The following GPM6A variants were observed in gnomAD, a reference collection of about 807,000 sequenced individuals.
GPM6A encodes glycoprotein M6A.
Under a neutral mutation model 32.1 loss-of-function variants are expected in GPM6A, and 7 were observed. That is an observed-to-expected ratio of 0.22 (90% CI 0.12 to 0.41). The LOEUF is 0.41. Among genes scored for constraint, GPM6A ranks in the 10% least tolerant of loss-of-function variants. The pLI is 1.00. For missense variants in GPM6A, 235 were observed against 347.2 expected, an observed-to-expected ratio of 0.68 and a Z score of 2.57; for synonymous variants, 130 against 123.4, an observed-to-expected ratio of 1.05 and a Z score of -0.35.
chr4:175,699,124 T>C (rs1295958774), intron 2 of GPM6A, among the ~76,000 whole-genome samples: 1 of 152,172 alleles, frequency 6.6e-6, no homozygotes, highest in Non-Finnish European at 1.5e-5. Flanking sequence ...TTTAAAATAA[T>C]GCACAGTGAG....
chr4:175,916,277 A>G (rs1464548697), intron 1 of GPM6A, among the ~76,000 whole-genome samples: 1 of 152,186 alleles, frequency 6.6e-6, no homozygotes, highest in African/African-American at 2.4e-5. Context: ...TCCATGCTAT[A>G]CAAATACAAA....
intron 1 of GPM6A, among the ~76,000 whole-genome samples, chr4:175,963,691 A>G (rs1454405569): frequency 6.6e-6 from 1 of 152,192 alleles, no homozygotes; most frequent in Non-Finnish European, 1.5e-5. Flanking sequence ...AGAAATGAAG[A>G]GCTTTAAAAA....
At chr4:175,834,785 T>C (rs1735714949) in intron 1 of GPM6A, among the ~76,000 whole-genome samples, 2 of 152,242 alleles carry the variant, frequency 1.3e-5, no homozygotes, top group Admixed American at 1.3e-4. Flanking sequence ...CTTCTTAATT[T>C]TATTAAAGCC....
intron 1 of GPM6A, among the ~76,000 whole-genome samples, chr4:175,893,857 C>T (rs1737716632): frequency 6.6e-6 from 1 of 152,042 alleles, no homozygotes; most frequent in South Asian, 2.1e-4. Context: ...CTTTGTAGGA[C>T]ATGAAGGTGC....
At chr4:175,726,761 C>T (rs1011821805) in intron 1 of GPM6A, among the ~76,000 whole-genome samples, 5 of 152,040 alleles carry the variant, frequency 3.3e-5, no homozygotes, top group African/African-American at 4.8e-5. Flanking sequence ...GTGGGGAGGC[C>T]GAGGCAGGAG....
At chr4:175,918,890 T>C (rs944089565) in intron 1 of GPM6A, among the ~76,000 whole-genome samples, 1 of 152,070 alleles carries the variant, frequency 6.6e-6, no homozygotes, top group Non-Finnish European at 1.5e-5. Flanking sequence ...TGTCTGCTTA[T>C]ATCCTTTACT....
intron 1 of GPM6A, among the ~76,000 whole-genome samples, chr4:175,856,033 T>C (rs566285903): frequency 6.6e-6 from 1 of 152,206 alleles, no homozygotes; most frequent in South Asian, 2.1e-4. Context: ...GGATGAGATA[T>C]AAACAAGATA....
At chr4:175,734,142 A>G (rs1349313227) in intron 1 of GPM6A, among the ~76,000 whole-genome samples, 1 of 141,808 alleles carries the variant, frequency 7.1e-6, no homozygotes, top group Non-Finnish European at 1.5e-5. Flanking sequence ...TGCCATATAT[A>G]TATATATATA....
chr4:175,971,899 T>A (rs1740514027), intron 1 of GPM6A: 1 of 152,174 alleles, frequency 6.6e-6, no homozygotes. Flanking sequence ...AGTGATGGGA[T>A]CTCTTGCTTT....
intron 2 of GPM6A, among the ~76,000 whole-genome samples, chr4:175,691,019 A>C (rs752255554): frequency 3.3e-5 from 5 of 152,188 alleles, no homozygotes; most frequent in African/African-American, 7.2e-5. Context: ...ATTATAATAA[A>C]CCTGAGGTAT....
Position 175,633,626 on chromosome 4 carries a change from G to C in GPM6A, c.*1279C>G, listed in dbSNP as rs1415377772. ...AGCATTAGAAATAATGAAAAGAAGAGCGTCAAGGTGAAAACAAACACCAAA... is the reference window on the plus strand; with the variant it reads ...AGCATTAGAAATAATGAAAAGAAGACCGTCAAGGTGAAAACAAACACCAAA... On this transcript the variant is annotated 3_prime_UTR_variant, in exon 7 of 7. Transcript: ENST00000393658. 1.3e-5 allele frequency: 2 copies of C among 152,488 alleles called. No homozygotes were observed. The highest frequency in any genetic ancestry group is 2.4e-5 in the African/African-American group (1 of 41,444). The allele number at this position is 152,488 out of a possible 1,614,324, so 9.4% of individuals were successfully genotyped here.
At chr4:175,700,859 T>G (rs1254975083) in intron 2 of GPM6A, among the ~76,000 whole-genome samples, 1 of 152,176 alleles carries the variant, frequency 6.6e-6, no homozygotes, top group Non-Finnish European at 1.5e-5. Context: ...CAATAAACGT[T>G]TCTAGAATTC....
intron 1 of GPM6A, among the ~76,000 whole-genome samples, chr4:175,703,223 C>CTGCG (rs56839471): frequency 1.3e-5 from 2 of 151,982 alleles, no homozygotes; most frequent in Non-Finnish European, 2.9e-5. Flanking sequence ...CCAGGCTGGA[C>CTGCG]TACAGTAGTG....
chr4:175,926,873 A>C (rs1345523464), intron 1 of GPM6A, among the ~76,000 whole-genome samples: 1 of 152,180 alleles, frequency 6.6e-6, no homozygotes, highest in Non-Finnish European at 1.5e-5. Context: ...AGATCGTCAA[A>C]TCAGTGCCTT....
intron 1 of GPM6A, chr4:175,805,777 T>C (rs1734671215): frequency 6.6e-6 from 1 of 152,188 alleles, no homozygotes; most frequent in African/African-American, 2.4e-5. Flanking sequence ...TCAGATTTCC[T>C]CATATTATAA....
rs370791448 is a variant in GPM6A at position 175,798,031 on chromosome 4, T to C, written c.37+14160A>G. On this transcript the variant is annotated intron_variant, in intron 1 of 6. Transcript: ENST00000393658. The stretch of plus-strand genomic sequence containing the variant: ...ACTCCATACTCACCGAATCAGAAAC[T>C]TGAGTTGGGGAAATGAAGTGCCGTA... Among the ~76,000 whole-genome samples, 9 of 152,210 alleles carry C rather than the reference T, an allele frequency of 5.9e-5. No individual in the cohort carries two copies. The East Asian group carries it at 1.7e-3, about 29-fold the overall frequency.
At chr4:175,810,308 ATCT>A (rs1734866090) in intron 1 of GPM6A, among the ~76,000 whole-genome samples, 1 of 152,224 alleles carries the variant, frequency 6.6e-6, no homozygotes, top group African/African-American at 2.4e-5. Flanking sequence ...AGAAAATTAC[ATCT>A]TCTTTTCTCA....
intron 1 of GPM6A, among the ~76,000 whole-genome samples, chr4:175,707,801 A>G (rs1745286461): frequency 6.6e-6 from 1 of 152,070 alleles, no homozygotes; most frequent in African/African-American, 2.4e-5. Context: ...TTTACCATTA[A>G]GTTTGATGCT....
At chr4:175,639,395 C>T (rs969331491) in intron 6 of GPM6A, among the ~76,000 whole-genome samples, 3 of 152,120 alleles carry the variant, frequency 2.0e-5, no homozygotes, top group Non-Finnish European at 4.4e-5. Context: ...CATATTGACT[C>T]GGCTGTCACA....
Sources: allele counts gnomAD v4.1 joint callset (sites outside exome capture counted in the v4.1 genomes callset), GRCh38; gene constraint gnomAD v4.1.1; transcripts MANE v1.5; gene names NCBI Gene and HGNC (gene_info 2026-07-23, HGNC 2026-07-21).